Variants in NCAM1 observed in about 807,000 individuals in gnomAD.
NCAM1 encodes neural cell adhesion molecule 1.
A neutral mutation model predicts 109.8 loss-of-function variants in NCAM1; 14 were observed. The ratio of observed to expected loss-of-function variants is 0.13; its 90% CI spans 0.08 to 0.20. The LOEUF (loss-of-function observed/expected upper bound fraction) is 0.20, where lower values mean the gene tolerates loss of function less well. Among genes scored for constraint, NCAM1 ranks in the 10% least tolerant of loss-of-function variants. NCAM1 has a pLI of 1.00. For missense variants in NCAM1, 774 were observed against 1,109.9 expected, an observed-to-expected ratio of 0.70 and a Z score of 4.30; for synonymous variants, 418 against 442.9, an observed-to-expected ratio of 0.94 and a Z score of 0.70.
intron 1 of NCAM1, among the ~76,000 whole-genome samples, chr11:113,059,476 T>C (rs1322275766): frequency 6.6e-6 from 1 of 152,160 alleles, no homozygotes; most frequent in Non-Finnish European, 1.5e-5. Flanking sequence ...TCCAAGACGG[T>C]TTCTTCACTT....
At chr11:113,028,066 G>A (rs921050584) in intron 1 of NCAM1, among the ~76,000 whole-genome samples, 6 of 152,120 alleles carry the variant, frequency 3.9e-5, no homozygotes, top group Non-Finnish European at 8.8e-5. Flanking sequence ...GGGCAAGCTG[G>A]GAAAAGGTTG....
chr11:112,976,560 C>T (rs1445445977), intron 1 of NCAM1, among the ~76,000 whole-genome samples: 1 of 151,816 alleles, frequency 6.6e-6, no homozygotes, highest in Non-Finnish European at 1.5e-5. Context: ...TAGCTGGACA[C>T]TGAAACTTCA....
intron 1 of NCAM1, among the ~76,000 whole-genome samples, chr11:113,092,113 C>T (rs1490426083): frequency 1.3e-5 from 2 of 152,064 alleles, no homozygotes; most frequent in East Asian, 3.9e-4. Context: ...ACAGCAACTT[C>T]TAGAGCTGCA....
intron 7 of NCAM1, among the ~76,000 whole-genome samples, chr11:113,210,809 CACACACACACACAT>C (rs1434405433): frequency 1.1e-4 from 17 of 149,690 alleles, no homozygotes; most frequent in African/African-American, 3.9e-4. Context: ...CACACACACA[CACACACACACACAT>C]ATTTCACAAT....
intron 1 of NCAM1, among the ~76,000 whole-genome samples, chr11:113,096,889 C>T (rs1939620261): frequency 6.6e-6 from 1 of 152,086 alleles, no homozygotes; most frequent in South Asian, 2.1e-4. Flanking sequence ...AATGCTGCCT[C>T]TACCTGGAGT....
chr11:113,122,618 T>G lies in NCAM1; in HGVS notation c.53-79761T>G, dbSNP rs1174314810. ...AACTAACGTGTAGAAACCCCATCTC[T>G]ACTAAAATACAAAAAATTAGCCAGG... On this transcript the variant is annotated intron_variant, in intron 1 of 19. Transcript: ENST00000316851. Among the ~76,000 whole-genome samples, 8 of 152,130 alleles carry G rather than the reference T, an allele frequency of 5.3e-5. No individual in the cohort carries two copies. In the East Asian group the frequency reaches 1.5e-3, roughly 29 times the overall value.
chr11:113,156,549 G>C (rs1258650698), intron 1 of NCAM1, among the ~76,000 whole-genome samples: 1 of 152,280 alleles, frequency 6.6e-6, no homozygotes, highest in South Asian at 2.1e-4. Flanking sequence ...GGTGGCATGA[G>C]AAAGGCTCTC....
chr11:113,060,161 A>C (rs1953866014), intron 1 of NCAM1, among the ~76,000 whole-genome samples: 1 of 151,904 alleles, frequency 6.6e-6, no homozygotes, highest in Non-Finnish European at 1.5e-5. Flanking sequence ...GCTTCACTTA[A>C]AAAGACAATT....
chr11:113,016,022 G>A (rs551497272), intron 1 of NCAM1, among the ~76,000 whole-genome samples: 8 of 152,274 alleles, frequency 5.3e-5, no homozygotes, highest in South Asian at 2.1e-4. Context: ...GTGGTGTGCC[G>A]AGTATTAAAT....
chr11:113,211,065 T>C (rs1555113605), intron 7 of NCAM1, among the ~76,000 whole-genome samples: 1 of 152,190 alleles, frequency 6.6e-6, no homozygotes, highest in Admixed American at 6.5e-5. Context: ...CTTCTCATCC[T>C]CCTTTCTCTC....
intron 1 of NCAM1, among the ~76,000 whole-genome samples, chr11:113,165,624 T>C (rs1555105140): frequency 6.6e-6 from 1 of 152,070 alleles, no homozygotes; most frequent in Non-Finnish European, 1.5e-5. Flanking sequence ...AGTAGAATGT[T>C]TTCCTGCACC....
At chr11:113,011,958 C>T (rs145623633) in intron 1 of NCAM1, among the ~76,000 whole-genome samples, 2 of 125,206 alleles carry the variant, frequency 1.6e-5, no homozygotes, top group Non-Finnish European at 3.4e-5. Flanking sequence ...TCCTCTCCTT[C>T]TCTCCTTTCC....
intron 1 of NCAM1, among the ~76,000 whole-genome samples, chr11:113,152,154 G>A (rs1036487552): frequency 2.0e-5 from 3 of 152,142 alleles, no homozygotes; most frequent in South Asian, 2.1e-4. Context: ...GGGAGCCTGG[G>A]GTGCTGCAAA....
At chr11:113,100,881 T>G (rs1939846279) in intron 1 of NCAM1, among the ~76,000 whole-genome samples, 1 of 152,162 alleles carries the variant, frequency 6.6e-6, no homozygotes, top group African/African-American at 2.4e-5. Context: ...TGCCCAATAT[T>G]TCTCTGCCTC....
At chr11:113,002,924 AGTTCCC>A (rs2135006115) in intron 1 of NCAM1, among the ~76,000 whole-genome samples, 1 of 152,388 alleles carries the variant, frequency 6.6e-6, no homozygotes, top group African/African-American at 2.4e-5. Flanking sequence ...AAGCAAAAAT[AGTTCCC>A]ACTGGTCTTA....
intron 1 of NCAM1, among the ~76,000 whole-genome samples, chr11:113,050,157 CAGAA>C (rs1298067142): frequency 6.6e-6 from 1 of 151,502 alleles, no homozygotes; most frequent in Non-Finnish European, 1.5e-5. Flanking sequence ...GAATGAGTGA[CAGAA>C]AGAGAATTAA....
In NCAM1 at chr11:113,072,967, C is replaced by T. The variant is rs1354213708; in HGVS notation, c.52+111303C>T. Among the ~76,000 whole-genome samples, 9 of 152,138 alleles carry T rather than the reference C, an allele frequency of 5.9e-5. No homozygotes were observed. In the South Asian group the frequency reaches 8.3e-4, roughly 14 times the overall value. ...ATCACTACCATCCATCTCCGGAATT[C>T]TTTTCATTTTGTAAAACCAAAACTC... On this transcript the variant is annotated intron_variant, in intron 1 of 19. Coordinates refer to ENST00000316851, the MANE Select transcript of NCAM1 (RefSeq NM_181351.5).
intron 7 of NCAM1, among the ~76,000 whole-genome samples, chr11:113,210,339 G>A (rs1944352444): frequency 6.6e-6 from 1 of 152,146 alleles, no homozygotes; most frequent in South Asian, 2.1e-4. Context: ...TTACAAAGGA[G>A]GAACCTGATC....
intron 1 of NCAM1, among the ~76,000 whole-genome samples, chr11:113,034,842 G>A (rs1400819305): frequency 5.9e-5 from 9 of 152,306 alleles, no homozygotes; most frequent in African/African-American, 2.2e-4. Context: ...GATGCCATTT[G>A]TGATGAGAAA....
Sources: gnomAD v4.1 joint callset for allele counts (sites outside exome capture counted in the v4.1 genomes callset) on GRCh38, gnomAD v4.1.1 for gene constraint, MANE v1.5 for transcripts, NCBI Gene and HGNC (gene_info 2026-07-23, HGNC 2026-07-21) for gene names.